CHD9: variants seen among roughly 807,000 people sequenced by gnomAD.
CHD9 encodes the protein ATP-dependent chromatin remodeler CHD9.
In CHD9, 77 loss-of-function variants were observed where a neutral mutation model predicts 316.1. The observed-to-expected ratio is 0.24, with a 90% CI of 0.20 to 0.29. The LOEUF (loss-of-function observed/expected upper bound fraction) is 0.29, where lower values mean the gene tolerates loss of function less well. Among genes scored for constraint, CHD9 ranks in the 10% least tolerant of loss-of-function variants. CHD9 has a pLI of 1.00. For synonymous variants in CHD9, 1,129 were observed against 1,158.3 expected, an observed-to-expected ratio of 0.97 and a Z score of 0.51; for missense variants, 2,763 against 3,438.1, an observed-to-expected ratio of 0.80 and a Z score of 4.91.
At chr16:53,315,124 T>G in intron 36 of CHD9, 80 bp downstream of exon 36, 2 of 1,006,390 alleles carry the variant, frequency 2.0e-6, no homozygotes, top group Admixed American at 2.4e-5. Context: ...TAAATTCTCA[T>G]CCACTTATGC....
At chr16:53,180,440 A>G (rs770239418) in intron 2 of CHD9, among the ~76,000 whole-genome samples, 6 of 152,138 alleles carry the variant, frequency 3.9e-5, no homozygotes, top group Admixed American at 6.6e-5. Flanking sequence ...CCTTAAATTT[A>G]TTTTATCTTC....
intron 2 of CHD9, among the ~76,000 whole-genome samples, chr16:53,157,906 T>G (rs2041633927): frequency 6.6e-6 from 1 of 152,042 alleles, no homozygotes; most frequent in Admixed American, 6.5e-5. Context: ...TAACATTGAG[T>G]TAATATTCCT....
chr16:53,292,492 C>T (rs756276035), intron 28 of CHD9, among the ~76,000 whole-genome samples: 30 of 152,084 alleles, frequency 2.0e-4, no homozygotes, highest in Non-Finnish European at 2.5e-4. Flanking sequence ...CCATTAGAAG[C>T]GTTTACAATA....
chr16:53,108,720 C>T (rs988623731), intron 1 of CHD9, among the ~76,000 whole-genome samples: 1 of 151,340 alleles, frequency 6.6e-6, no homozygotes, highest in Non-Finnish European at 1.5e-5. Flanking sequence ...ACTAAAAATA[C>T]AAAAATTAGC....
intron 10 of CHD9, among the ~76,000 whole-genome samples, chr16:53,234,025 G>A (rs917361312): frequency 3.3e-5 from 5 of 152,036 alleles, no homozygotes; most frequent in Non-Finnish European, 7.4e-5. Context: ...CTATATATAA[G>A]TGAATAAAAT....
In CHD9 at chr16:53,324,513, C is replaced by G; in HGVS notation, c.8312C>G (p.Ser2771Ter). The part of the protein sequence containing the change: ...SSENGGENSV[S>*]SSPSTSSTAA... ...GAGAATGGTGGAGAAAACTCTGTGT[C>G]AAGTTCTCCTTCCACATCCTCTACT... The change falls in exon 39 of 39, where the codon TCA becomes TGA. Residue 2771 changes from serine to a stop codon, truncating the protein, a stop_gained. Transcript: ENST00000447540. LOFTEE classifies it high-confidence loss of function. The G allele has an allele frequency of 1.2e-6, 2 of 1,613,896 alleles. No individual in the cohort carries two copies.
At chr16:53,253,186 G>C (rs1567564759) in intron 17 of CHD9, among the ~76,000 whole-genome samples, 1 of 151,580 alleles carries the variant, frequency 6.6e-6, no homozygotes. Flanking sequence ...AAGAAACTGT[G>C]GTGGGTATAT....
In CHD9 at chr16:53,262,777, T is replaced by C. The variant is rs142362723; in HGVS notation, c.4210-210T>C. On this transcript the variant is annotated intron_variant, in intron 19 of 38. Transcript: ENST00000447540. ...AGAGTTAACCAACAGTAATAACTTA[T>C]TTAATTCTGCTCCTAAACTTCAGCC... 5.3e-3 allele frequency among the ~76,000 whole-genome samples: 805 copies of C among 152,350 alleles called. 4 individuals carry two copies. The highest frequency in any genetic ancestry group is 8.7e-3 in the Non-Finnish European group (590 of 68,028).
intron 1 of CHD9, among the ~76,000 whole-genome samples, chr16:53,154,552 A>G (rs2041366490): frequency 6.6e-6 from 1 of 152,140 alleles, no homozygotes; most frequent in Non-Finnish European, 1.5e-5. Flanking sequence ...GGGTAGGGAA[A>G]TGGGGTGTGG....
chr16:53,108,936 G>A (rs1162938309), intron 1 of CHD9, among the ~76,000 whole-genome samples: 1 of 152,086 alleles, frequency 6.6e-6, no homozygotes, highest in African/African-American at 2.4e-5. Context: ...TGAAACCTCT[G>A]TGTGAATATC....
intron 2 of CHD9, among the ~76,000 whole-genome samples, chr16:53,158,903 CTGGGATTA>C (rs2041714395): frequency 1.3e-5 from 2 of 152,160 alleles, no homozygotes; most frequent in African/African-American, 4.8e-5. Flanking sequence ...TCCCAAAGTG[CTGGGATTA>C]TAGACGTGAG....
chr16:53,104,182 AT>A (rs1202149017), intron 1 of CHD9, among the ~76,000 whole-genome samples: 3 of 152,178 alleles, frequency 2.0e-5, no homozygotes, highest in African/African-American at 7.2e-5. Flanking sequence ...CTGACATTTT[AT>A]TTTTTCCCCC....
At chr16:53,268,173 T>A in intron 22 of CHD9, 47 bp downstream of exon 22, 2 of 1,252,182 alleles carry the variant, frequency 1.6e-6, no homozygotes, top group Non-Finnish European at 2.2e-6. Flanking sequence ...TTTAGTTATA[T>A]AAGTAATACT....
intron 2 of CHD9, among the ~76,000 whole-genome samples, chr16:53,204,275 A>G (rs1299990531): frequency 6.6e-6 from 1 of 151,946 alleles, no homozygotes; most frequent in Admixed American, 6.6e-5. Context: ...CACACTAGTG[A>G]TCCAGTAATT....
intron 36 of CHD9, among the ~76,000 whole-genome samples, chr16:53,317,129 G>A (rs2056938823): frequency 6.9e-6 from 1 of 145,488 alleles, no homozygotes; most frequent in African/African-American, 2.6e-5. Context: ...CCGGGAGGCA[G>A]AGGCTGTCAT....
chr16:53,170,083 C>T (rs1171220440), intron 2 of CHD9, among the ~76,000 whole-genome samples: 1 of 146,556 alleles, frequency 6.8e-6, no homozygotes, highest in African/African-American at 2.6e-5. Context: ...GGTGAGAATG[C>T]TGTATATATG....
chr16:53,297,192 C>A lies in CHD9; in HGVS notation c.5713+34C>A. 2.0e-6 allele frequency: 3 copies of A among 1,514,136 alleles called. No homozygotes were observed. The South Asian group carries it at 3.5e-5, about 18-fold the overall frequency. The allele number at this position is 1,514,136 out of a possible 1,614,324, so 93.8% of individuals were successfully genotyped here. A position where few individuals can be genotyped will look rare whatever the true frequency, so the allele number is the denominator to read the frequency against. On this transcript the variant is annotated intron_variant, in intron 30 of 38. Coordinates refer to ENST00000447540, the MANE Select transcript of CHD9 (RefSeq NM_001308319.2). The stretch of plus-strand genomic sequence containing the variant: ...AAAATTTCTTTTTCCTGGTTTCGGT[C>A]AAAGAAGCAAAAATCACTAAAATTC...
intron 12 of CHD9, among the ~76,000 whole-genome samples, chr16:53,242,225 A>T (rs753545483): frequency 6.6e-6 from 1 of 152,100 alleles, no homozygotes; most frequent in African/African-American, 2.4e-5. Context: ...CTTATCCCAC[A>T]TCCTTGTTTT....
At chr16:53,272,750 G>T (rs2052394697) in intron 22 of CHD9, among the ~76,000 whole-genome samples, 1 of 152,084 alleles carries the variant, frequency 6.6e-6, no homozygotes, top group Non-Finnish European at 1.5e-5. Flanking sequence ...GGTAATAATA[G>T]TTCAAACATG....
Sources: gnomAD v4.1 joint callset for allele counts (sites outside exome capture counted in the v4.1 genomes callset) on GRCh38, gnomAD v4.1.1 for gene constraint, MANE v1.5 for transcripts, NCBI Gene and HGNC (gene_info 2026-07-23, HGNC 2026-07-21) for gene names.